Variants in BCL2L10 observed in about 807,000 individuals in gnomAD.
The protein encoded by BCL2L10 is bcl-2-like protein 10.
BCL2L10 carries 14 observed loss-of-function variants against 11.1 expected under a neutral mutation model. The observed-to-expected ratio is 1.26, with a 90% CI of 0.83 to 1.96. The LOEUF (loss-of-function observed/expected upper bound fraction) is 1.96, where lower values mean the gene tolerates loss of function less well. Ranked by LOEUF, BCL2L10 falls within the 30% of genes most tolerant of loss-of-function variation. The probability of loss-of-function intolerance (pLI) is 0.00; values close to 1 mark genes in which losing one functional copy is unlikely to be tolerated. For missense variants in BCL2L10, 309 were observed against 273.9 expected (o/e 1.13, Z -0.90); for synonymous variants, 154 against 133.4 (o/e 1.15, Z -1.07).
chr15:52,109,969 C>A lies in BCL2L10; in HGVS notation c.494G>T (p.Gly165Val). The change falls in exon 2 of 2, where the codon GGC becomes GTC. Residue 165 changes from glycine to valine, a missense_variant. Transcript: ENST00000260442. ...AWLQAQGGWD[G>V]FCHFFRTPFP... ...GGGGGTCCTGAAGAAGTGACAAAAG[C>A]CATCCTACAGGGGGGAGAGAGAAAA... The A allele has an allele frequency of 1.2e-6, 2 of 1,610,104 alleles. No homozygotes were observed. The highest frequency in any genetic ancestry group is 1.7e-6 in the Non-Finnish European group (2 of 1,178,198).
intron 1 of BCL2L10, 185 bp downstream of exon 1, chr15:52,112,053 C>G (rs2033063979): frequency 8.2e-7 from 1 of 1,216,974 alleles, no homozygotes; most frequent in Non-Finnish European, 1.1e-6. Context: ...GCCGGCCTTT[C>G]TGCCAGGGGA....
In BCL2L10 at chr15:52,112,775, G is replaced by C. The variant is rs1323171883; in HGVS notation, c.-49C>G. On this transcript the variant is annotated 5_prime_UTR_variant, in exon 1 of 2. Transcript: ENST00000260442. ...GGGCCTTCGCTGGTTTTCTTGGCCCGGCCGCGCCTCCCCCAGGGTAGGGCT... is the reference window on the plus strand; with the variant it reads ...GGGCCTTCGCTGGTTTTCTTGGCCCCGCCGCGCCTCCCCCAGGGTAGGGCT... 6.8e-7 allele frequency: 1 copy of C among 1,477,412 alleles called. No homozygotes were observed. The highest frequency in any genetic ancestry group is 8.9e-7 in the Non-Finnish European group (1 of 1,121,772). The allele number at this position is 1,477,412 out of a possible 1,614,324, so 91.5% of individuals were successfully genotyped here.
At position 52,109,983 on chromosome 15, in the gene BCL2L10, GGA is replaced by G. The variant is rs2033029657; in HGVS notation, c.490-12_490-11del. ...AGTGACAAAAGCCATCCTACAGGGGGGAGAGAGAAAAGTTAGATTGCCTCATG... is the reference window on the plus strand; with the variant it reads ...AGTGACAAAAGCCATCCTACAGGGGGGAGAGAAAAGTTAGATTGCCTCATG... On this transcript the variant is annotated splice_polypyrimidine_tract_variant and intron_variant, in intron 1 of 1. Transcript: ENST00000260442. 1.3e-6 allele frequency: 2 copies of G among 1,590,306 alleles called. No homozygotes were observed. The highest frequency in any genetic ancestry group is 2.3e-5 in the South Asian group (2 of 87,446).
rs1228488344 is a variant in BCL2L10 at position 52,112,139 on chromosome 15, C to G, written c.489+99G>C. On this transcript the variant is annotated intron_variant, in intron 1 of 1. Coordinates refer to ENST00000260442, the MANE Select transcript of BCL2L10 (RefSeq NM_020396.4). The stretch of plus-strand genomic sequence containing the variant: ...CTTTCTGCTTTCACGAAACCTCGTT[C>G]CAGGGGCCTGGCGCGGTGGGTTCCT... 10 of 1,393,706 alleles carry G rather than the reference C, an allele frequency of 7.2e-6. 1 individual carries two copies. In the South Asian group the frequency reaches 1.6e-4, roughly 22 times the overall value. The allele number at this position is 1,393,706 out of a possible 1,614,324, so 86.3% of individuals were successfully genotyped here. A position where few individuals can be genotyped will look rare whatever the true frequency, so the allele number is the denominator to read the frequency against.
At chr15:52,111,173 A>AAAACACACACACACACAC (rs768251892) in intron 1 of BCL2L10, among the ~76,000 whole-genome samples, 1 of 121,720 alleles carries the variant, frequency 8.2e-6, no homozygotes, top group Non-Finnish European at 1.7e-5. Flanking sequence ...CTCTACTGAA[A>AAAACACACACACACACAC]ACACACACAC....
chr15:52,112,560 A>G lies in BCL2L10; in HGVS notation c.167T>C (p.Leu56Ser). The G allele has an allele frequency of 6.3e-7, 1 of 1,583,820 alleles. No individual in the cohort carries two copies. Among genetic ancestry groups the G allele is most frequent in the Non-Finnish European group, 8.5e-7 (1 of 1,171,826 alleles). The change falls in exon 1 of 2, where the codon TTA (leucine) becomes TCA (serine). Residue 56 changes from leucine (L) to serine (S), a missense_variant. By Grantham distance (145) the Leu-to-Ser change is moderately radical. Transcript: ENST00000260442. ...GAAAAAGGACCGGTGAATCTGCCGT[A>G]ACCTGGCGGCCGCGGAGCGCAGCAC... ...AAVLRSAAAR[L>S]RQIHRSFFSA...
rs372686033 is a variant in BCL2L10, at chr15:52,112,489, G to A, written c.238C>T (p.Leu80=). Reference sequence around the variant, plus strand: ...TCGGAGAGCACGGAATCCGCCATCAGCGCCACCAGCTCGAAGCGGTTCCCG... The same window carrying A: ...TCGGAGAGCACGGAATCCGCCATCAACGCCACCAGCTCGAAGCGGTTCCCG... ...YPGNRFELVA[L]MADSVLSDSP... Residue 80 remains leucine, a synonymous_variant, in exon 1 of 2, where the codon CTG becomes TTG. Coordinates refer to ENST00000260442, the MANE Select transcript of BCL2L10 (RefSeq NM_020396.4). The A allele has an allele frequency of 2.5e-6, 4 of 1,602,812 alleles. No individual in the cohort carries two copies. Among genetic ancestry groups the A allele is most frequent in the Non-Finnish European group, 3.4e-6 (4 of 1,178,892 alleles).
chr15:52,111,737 C>T (rs542368305), intron 1 of BCL2L10, among the ~76,000 whole-genome samples: 1 of 152,046 alleles, frequency 6.6e-6, no homozygotes, highest in East Asian at 1.9e-4. Flanking sequence ...CACCACTGGG[C>T]GACCACCACA....
At position 52,112,558 on chromosome 15, in the gene BCL2L10, G is replaced by T. The variant is rs770062586; in HGVS notation, c.169C>A (p.Arg57=). Residue 57 remains arginine (R), a synonymous_variant, in exon 1 of 2, where the codon CGG becomes AGG. Transcript: ENST00000260442. ...AVLRSAAARL[R]QIHRSFFSAY... is the part of the protein sequence containing the mutation. ...GAGAAAAAGGACCGGTGAATCTGCCGTAACCTGGCGGCCGCGGAGCGCAGC... is the reference window on the plus strand; with the variant it reads ...GAGAAAAAGGACCGGTGAATCTGCCTTAACCTGGCGGCCGCGGAGCGCAGC... 6.3e-7 allele frequency: 1 copy of T among 1,583,464 alleles called. No homozygotes were observed. The highest frequency in any genetic ancestry group is 8.5e-7 in the Non-Finnish European group (1 of 1,171,644).
Position 52,109,908 on chromosome 15 carries a change from C to T in BCL2L10, c.555G>A (p.Gln185=), listed in dbSNP as rs771539743. Residue 185 remains glutamine, a synonymous_variant, in exon 2 of 2, where the codon CAG becomes CAA. Coordinates refer to ENST00000260442, the MANE Select transcript of BCL2L10 (RefSeq NM_020396.4). ...PLAFWRKQLV[Q]AFLSCLLTTA... ...TTGTTAACAAGCATGACAGAAAAGCCTGGACCAGCTGTTTTCTCCAAAAAG... is the reference window on the plus strand; with the variant it reads ...TTGTTAACAAGCATGACAGAAAAGCTTGGACCAGCTGTTTTCTCCAAAAAG... The T allele has an allele frequency of 3.1e-6, 5 of 1,613,754 alleles. No individual in the cohort carries two copies. The highest frequency in any genetic ancestry group is 4.2e-6 in the Non-Finnish European group (5 of 1,179,820).
chr15:52,111,414 C>T (rs1215984691), intron 1 of BCL2L10, among the ~76,000 whole-genome samples: 1 of 148,336 alleles, frequency 6.7e-6, no homozygotes. Flanking sequence ...CAGGAGGCTA[C>T]ATTTCGGATC....
intron 1 of BCL2L10, among the ~76,000 whole-genome samples, chr15:52,111,410 G>C (rs1018133442): frequency 2.7e-5 from 4 of 149,378 alleles, no homozygotes; most frequent in Admixed American, 2.6e-4. Context: ...CCCCCAGGAG[G>C]CTACATTTCG....
chr15:52,111,173 A>AAC (rs71130130), intron 1 of BCL2L10, among the ~76,000 whole-genome samples: 14,340 of 121,596 alleles, frequency 0.12, 899 homozygotes, highest in Non-Finnish European at 0.14. Context: ...CTCTACTGAA[A>AAC]ACACACACAC....
rs544863060 is a variant in BCL2L10, at chr15:52,112,330, C to T, written c.397G>A (p.Asp133Asn). The change falls in exon 1 of 2, where the codon GAC (aspartate) becomes AAC (asparagine). Residue 133 changes from aspartate to asparagine, a missense_variant. Asp to Asn is a conservative substitution (Grantham distance 23). Coordinates refer to ENST00000260442, the MANE Select transcript of BCL2L10 (RefSeq NM_020396.4). ...AGGCGCTGGCAGTCCCGGGCGACGT[C>T]GCCCTCCTGCTCCTTTAGCCGCGGC... is the stretch of plus-strand genomic sequence containing the variant. ...FQPRLKEQEG[D>N]VARDCQRLVA... The T allele has an allele frequency of 1.6e-5, 25 of 1,589,338 alleles. No homozygotes were observed. In the East Asian group the frequency reaches 5.0e-4, roughly 32 times the overall value.
At position 52,109,931 on chromosome 15, in the gene BCL2L10, A is replaced by G; in HGVS notation, c.532T>C (p.Phe178Leu). Residue 178 changes from phenylalanine (F) to leucine (L), a missense_variant, in exon 2 of 2, where the codon TTT (phenylalanine) becomes CTT (leucine). Phe to Leu is a conservative substitution (Grantham distance 22). Coordinates refer to ENST00000260442, the MANE Select transcript of BCL2L10 (RefSeq NM_020396.4). ...HFFRTPFPLA[F>L]WRKQLVQAFL... ...GCCTGGACCAGCTGTTTTCTCCAAAAAGCCAGTGGAAAGGGGGTCCTGAAG... is the reference window on the plus strand; with the variant it reads ...GCCTGGACCAGCTGTTTTCTCCAAAGAGCCAGTGGAAAGGGGGTCCTGAAG... The G allele has an allele frequency of 1.2e-6, 2 of 1,613,754 alleles. No individual in the cohort carries two copies. The highest frequency in any genetic ancestry group is 1.7e-6 in the Non-Finnish European group (2 of 1,179,826).
At position 52,112,453 on chromosome 15, in the gene BCL2L10, G is replaced by C; in HGVS notation, c.274C>G (p.Pro92Ala). 1 of 1,606,148 alleles carries C rather than the reference G, an allele frequency of 6.2e-7. No individual in the cohort carries two copies. The change falls in exon 1 of 2, where the codon CCC (proline) becomes GCC (alanine). Residue 92 changes from proline to alanine, a missense_variant. Physicochemically the swap from Pro to Ala is conservative, Grantham distance 27. Transcript: ENST00000260442. ...AGCGTCACCACTCTGCCCCAGGTGGGGCCGGGGCTGTCGGAGAGCACGGAA... is the reference window on the plus strand; with the variant it reads ...AGCGTCACCACTCTGCCCCAGGTGGCGCCGGGGCTGTCGGAGAGCACGGAA... ...ADSVLSDSPG[P>A]TWGRVVTLVT... is the part of the protein sequence containing the mutation.
chr15:52,112,402 C>T lies in BCL2L10; in HGVS notation c.325G>A (p.Glu109Lys), dbSNP rs758841562. Reference protein sequence around the residue: ...TLVTFAGTLLERGPLVTARWK... With the variant: ...TLVTFAGTLLKRGPLVTARWK... ...CGGGCGGTCACCAGCGGCCCTCTCT[C>T]CAGCAGCGTCCCTGCGAAGGTCACG... is the stretch of plus-strand genomic sequence containing the variant. The change falls in exon 1 of 2, where the codon GAG becomes AAG. Residue 109 changes from glutamate (E) to lysine (K), a missense_variant. By Grantham distance (56) the Glu-to-Lys change is moderately conservative. Coordinates refer to ENST00000260442, the MANE Select transcript of BCL2L10 (RefSeq NM_020396.4). 3.6e-5 allele frequency: 58 copies of T among 1,607,166 alleles called. 1 individual carries two copies. The highest frequency in any genetic ancestry group is 4.6e-5 in the Non-Finnish European group (54 of 1,179,578).
In BCL2L10 at chr15:52,109,679, G is replaced by T; in HGVS notation, c.*169C>A. On this transcript the variant is annotated 3_prime_UTR_variant, in exon 2 of 2. Coordinates refer to ENST00000260442, the MANE Select transcript of BCL2L10 (RefSeq NM_020396.4). Reference sequence around the variant, plus strand: ...TTCTTGTCCTCACACCTGAGTACTTGTCACAAGTTAAAACACTGGCCAAAT... The same window carrying T: ...TTCTTGTCCTCACACCTGAGTACTTTTCACAAGTTAAAACACTGGCCAAAT... The T allele has an allele frequency of 1.1e-6, 1 of 872,546 alleles. No individual in the cohort carries two copies. Among genetic ancestry groups the T allele is most frequent in the Non-Finnish European group, 1.7e-6 (1 of 582,302 alleles). 54.1% of individuals were successfully genotyped at this position (872,546 alleles called of 1,614,324 possible).
intron 1 of BCL2L10, among the ~76,000 whole-genome samples, chr15:52,111,518 A>T (rs909522578): frequency 2.6e-5 from 4 of 152,146 alleles, no homozygotes; most frequent in Non-Finnish European, 5.9e-5. Context: ...TGGTGGGGAA[A>T]GAAATGGGGT....
Sources: gnomAD v4.1 joint callset for allele counts (sites outside exome capture counted in the v4.1 genomes callset) on GRCh38, gnomAD v4.1.1 for gene constraint, MANE v1.5 for transcripts, NCBI Gene and HGNC (gene_info 2026-07-23, HGNC 2026-07-21) for gene names.